Variants in CA10 observed in about 807,000 individuals in gnomAD.
CA10 encodes carbonic anhydrase 10 (inactive).
A neutral mutation model predicts 44.2 loss-of-function variants in CA10; 14 were observed. That is an observed-to-expected ratio of 0.32 (90% confidence interval 0.21 to 0.50). CA10 has a LOEUF of 0.50. Among genes scored for constraint, CA10 ranks in the 20% least tolerant of loss-of-function variants. The probability of loss-of-function intolerance (pLI) is 0.99; values close to 1 mark genes in which losing one functional copy is unlikely to be tolerated. For missense variants in CA10, 350 were observed against 409.7 expected (o/e 0.85, Z 1.26); for synonymous variants, 159 against 141.6 (o/e 1.12, Z -0.87).
intron 4 of CA10, among the ~76,000 whole-genome samples, chr17:51,709,229 A>T (rs1024779984): frequency 1.1e-4 from 17 of 152,258 alleles, no homozygotes; most frequent in Admixed American, 9.2e-4. Flanking sequence ...AGAAGTCAAC[A>T]AGATGAACAA....
chr17:51,923,231 G>T (rs918053839), intron 3 of CA10, among the ~76,000 whole-genome samples: 1 of 152,160 alleles, frequency 6.6e-6, no homozygotes, highest in Non-Finnish European at 1.5e-5. Flanking sequence ...AACACATTTA[G>T]ATGACAAAAT....
chr17:51,880,333 G>T lies in CA10; in HGVS notation c.279+50657C>A, dbSNP rs185473705. Among the ~76,000 whole-genome samples the T allele has an allele frequency of 1.2e-3, 188 of 152,052 alleles. 4 individuals carry two copies. In the South Asian group the frequency reaches 0.022, roughly 18 times the overall value. The stretch of plus-strand genomic sequence containing the variant: ...TTTTTTTCTTTTTTTTTGAGGCAGG[G>T]TCTTGCTCTGTCACCCAGGCTGGAG... On this transcript the variant is annotated intron_variant, in intron 3 of 8. Transcript: ENST00000451037.
At chr17:52,025,094 G>GA (rs1160839588) in intron 2 of CA10, among the ~76,000 whole-genome samples, 3 of 151,516 alleles carry the variant, frequency 2.0e-5, no homozygotes, top group African/African-American at 4.8e-5. Context: ...CTGGTCCATG[G>GA]AAAAAAATGT....
At chr17:51,667,402 T>G (rs995732571) in intron 4 of CA10, among the ~76,000 whole-genome samples, 1 of 152,176 alleles carries the variant, frequency 6.6e-6, no homozygotes, top group Non-Finnish European at 1.5e-5. Context: ...ACTTCCATCA[T>G]GATGTCAATC....
intron 2 of CA10, among the ~76,000 whole-genome samples, chr17:52,041,496 G>A (rs1379191624): frequency 2.0e-5 from 3 of 152,084 alleles, no homozygotes; most frequent in Non-Finnish European, 4.4e-5. Flanking sequence ...ACAACATGAT[G>A]ATTTGATACA....
At chr17:52,099,017 T>C (rs1988472930) in intron 1 of CA10, among the ~76,000 whole-genome samples, 1 of 152,094 alleles carries the variant, frequency 6.6e-6, no homozygotes. Flanking sequence ...ACAAGAAGAA[T>C]TTCATATGGT....
At chr17:52,066,315 A>T (rs935268444) in intron 2 of CA10, among the ~76,000 whole-genome samples, 2 of 152,202 alleles carry the variant, frequency 1.3e-5, no homozygotes, top group African/African-American at 4.8e-5. Flanking sequence ...TTTGATCAAA[A>T]TACTGATAGT....
intron 4 of CA10, among the ~76,000 whole-genome samples, chr17:51,665,709 G>A (rs1914181181): frequency 6.6e-6 from 1 of 152,170 alleles, no homozygotes; most frequent in South Asian, 2.1e-4. Flanking sequence ...CAATTGTATT[G>A]CACACAGTGG....
At chr17:51,939,227 A>G (rs377046942) in intron 2 of CA10, among the ~76,000 whole-genome samples, 2 of 152,232 alleles carry the variant, frequency 1.3e-5, no homozygotes, top group East Asian at 3.9e-4. Context: ...TGTCCATACT[A>G]ATAGAGCTTC....
chr17:52,147,160 A>T (rs1449577142), intron 1 of CA10, among the ~76,000 whole-genome samples: 2 of 152,236 alleles, frequency 1.3e-5, no homozygotes, highest in East Asian at 3.8e-4. Flanking sequence ...TACAGTTTCA[A>T]AATTTAGTAA....
Position 51,889,195 on chromosome 17 carries a change from C to G in CA10, c.279+41795G>C, listed in dbSNP as rs370620994. Among the ~76,000 whole-genome samples the G allele has an allele frequency of 8.5e-5, 13 of 152,190 alleles. No individual in the cohort carries two copies. The South Asian group carries it at 2.7e-3, about 32-fold the overall frequency. ...TGGAAGTCATGCAGTGTCACCTCTA[C>G]CACATTCTGTTACTTATACAGGGCT... On this transcript the variant is annotated intron_variant, in intron 3 of 8. Coordinates refer to ENST00000451037, the MANE Select transcript of CA10 (RefSeq NM_020178.5).
chr17:51,936,019 G>A (rs78358985), intron 2 of CA10, among the ~76,000 whole-genome samples: 335 of 152,192 alleles, frequency 2.2e-3, no homozygotes, highest in African/African-American at 7.6e-3. Context: ...TTGCTGCTGT[G>A]GGCAGGATAT....
chr17:51,720,476 AG>A (rs962822231), intron 4 of CA10, among the ~76,000 whole-genome samples: 10 of 152,244 alleles, frequency 6.6e-5, no homozygotes, highest in African/African-American at 2.2e-4. Context: ...CCCATCCACC[AG>A]TCTGAAAACT....
chr17:51,847,272 T>A (rs1162197493), intron 3 of CA10, among the ~76,000 whole-genome samples: 1 of 152,180 alleles, frequency 6.6e-6, no homozygotes, highest in Non-Finnish European at 1.5e-5. Flanking sequence ...CAATCTTCCC[T>A]CTTGCAGGGA....
chr17:51,677,836 T>C (rs1359904382), intron 4 of CA10, among the ~76,000 whole-genome samples: 1 of 151,748 alleles, frequency 6.6e-6, no homozygotes, highest in African/African-American at 2.4e-5. Flanking sequence ...CCTCAAAAAG[T>C]TAAACATACA....
intron 2 of CA10, among the ~76,000 whole-genome samples, chr17:52,018,445 A>G (rs1481883059): frequency 6.6e-6 from 1 of 152,126 alleles, no homozygotes; most frequent in Non-Finnish European, 1.5e-5. Context: ...AAGCAGAGCC[A>G]AAGGAGATTA....
At chr17:51,693,164 C>T (rs1915277489) in intron 4 of CA10, among the ~76,000 whole-genome samples, 1 of 152,156 alleles carries the variant, frequency 6.6e-6, no homozygotes, top group Admixed American at 6.5e-5. Flanking sequence ...TAGCCAGCTT[C>T]AGCCAATGTT....
chr17:51,744,500 G>GT (rs1180246657), intron 4 of CA10, among the ~76,000 whole-genome samples: 1 of 151,398 alleles, frequency 6.6e-6, no homozygotes, highest in Non-Finnish European at 1.5e-5. Flanking sequence ...CTAGCACTTT[G>GT]TGGGGGGGCC....
chr17:51,717,291 G>T (rs1345720177), intron 4 of CA10, among the ~76,000 whole-genome samples: 2 of 151,918 alleles, frequency 1.3e-5, no homozygotes, highest in African/African-American at 4.8e-5. Flanking sequence ...AGCATCTTTT[G>T]TTCTAATGAG....
Sources: gnomAD v4.1 joint callset for allele counts (sites outside exome capture counted in the v4.1 genomes callset) on GRCh38, gnomAD v4.1.1 for gene constraint, MANE v1.5 for transcripts, NCBI Gene and HGNC (gene_info 2026-07-23, HGNC 2026-07-21) for gene names.